TTC39C: variants seen among roughly 807,000 people sequenced by gnomAD.
TTC39C encodes tetratricopeptide repeat protein 39C.
In TTC39C, 33 loss-of-function variants were observed where a neutral mutation model predicts 76.3. That is an observed-to-expected ratio of 0.43 (90% CI 0.33 to 0.58). The LOEUF (loss-of-function observed/expected upper bound fraction) is 0.58, where lower values mean the gene tolerates loss of function less well. Among genes scored for constraint, TTC39C ranks in the 20% least tolerant of loss-of-function variants. The pLI, the probability that TTC39C is intolerant of heterozygous loss-of-function variation, is 0.04. For missense variants in TTC39C, 595 were observed against 701.4 expected (o/e 0.85, Z 1.71); for synonymous variants, 254 against 260.6 (o/e 0.97, Z 0.24).
intron 8 of TTC39C, among the ~76,000 whole-genome samples, chr18:24,121,229 T>G (rs2084963687): frequency 6.6e-6 from 1 of 152,202 alleles, no homozygotes; most frequent in Non-Finnish European, 1.5e-5. Context: ...AGGCCTCATA[T>G]TTTAGGATAA....
At chr18:24,018,854 G>A (rs1029617231) in intron 1 of TTC39C, among the ~76,000 whole-genome samples, 14 of 152,166 alleles carry the variant, frequency 9.2e-5, no homozygotes, top group African/African-American at 2.4e-4. Flanking sequence ...TTGCTAGGCC[G>A]TTGCACTGGA....
intron 10 of TTC39C, 99 bp downstream of exon 10, chr18:24,125,649 C>T (rs1174933048): frequency 2.7e-6 from 4 of 1,498,164 alleles, no homozygotes; most frequent in Non-Finnish European, 1.8e-6. Context: ...ATGTTTATCT[C>T]ATCGGAGTCA....
chr18:24,023,953 T>A (rs1568408717), intron 1 of TTC39C, among the ~76,000 whole-genome samples: 1 of 11,028 alleles, frequency 9.1e-5, no homozygotes, highest in African/African-American at 1.5e-4. Context: ...TATGCATGTA[T>A]ATATATATAT....
chr18:24,054,503 A>G (rs913734240), intron 1 of TTC39C, among the ~76,000 whole-genome samples: 10 of 151,424 alleles, frequency 6.6e-5, no homozygotes, highest in Admixed American at 4.6e-4. Flanking sequence ...TGACTGTTCA[A>G]CTCCCCCCTG....
rs1285570381 is a variant in TTC39C at position 24,113,505 on chromosome 18, A to G, written c.985-1049A>G. The G allele has an allele frequency of 7.2e-6, 5 of 689,940 alleles. No individual in the cohort carries two copies. The East Asian group carries it at 1.1e-4, about 15-fold the overall frequency. 42.7% of individuals were successfully genotyped at this position (689,940 alleles called of 1,614,324 possible). A position where few individuals can be genotyped will look rare whatever the true frequency, so the allele number is the denominator to read the frequency against. On this transcript the variant is annotated intron_variant, in intron 6 of 13. Coordinates refer to ENST00000317571, the MANE Select transcript of TTC39C (RefSeq NM_001135993.2). ...GAGGGGGAGGAAGCATAGAGAAAGC[A>G]GCAGGAGACGCACCTGGAAGCCCAG...
At chr18:24,091,815 C>T (rs748035867) in intron 6 of TTC39C, among the ~76,000 whole-genome samples, 16 of 151,906 alleles carry the variant, frequency 1.1e-4, no homozygotes, top group Non-Finnish European at 1.5e-4. Context: ...TGGGGGCAGG[C>T]GCGGTGGCTC....
intron 6 of TTC39C, among the ~76,000 whole-genome samples, chr18:24,106,647 A>G (rs1488979483): frequency 1.3e-5 from 2 of 152,112 alleles, no homozygotes; most frequent in African/African-American, 4.8e-5. Flanking sequence ...GGGGATGAGT[A>G]CACCTGGCCA....
At chr18:24,004,725 ACCATGAAAATCATGCATT>A (rs1182080808) in intron 1 of TTC39C, among the ~76,000 whole-genome samples, 2 of 152,224 alleles carry the variant, frequency 1.3e-5, no homozygotes, top group Non-Finnish European at 2.9e-5. Flanking sequence ...AGCATGATTT[ACCATGAAAATCATGCATT>A]CCACTGTGCT....
intron 1 of TTC39C, among the ~76,000 whole-genome samples, chr18:24,002,218 A>G (rs1218919846): frequency 6.6e-6 from 1 of 152,128 alleles, no homozygotes; most frequent in Non-Finnish European, 1.5e-5. Flanking sequence ...TAGGATTCCC[A>G]GGTGACACAA....
chr18:24,086,855 G>T (rs1568432455), intron 6 of TTC39C, among the ~76,000 whole-genome samples: 1 of 152,078 alleles, frequency 6.6e-6, no homozygotes, highest in Non-Finnish European at 1.5e-5. Flanking sequence ...AGGGTGTGAT[G>T]GTGTTTATTA....
chr18:24,010,515 G>A (rs1212056127), upstream of TTC39C, among the ~76,000 whole-genome samples: 1 of 152,202 alleles, frequency 6.6e-6, no homozygotes, highest in South Asian at 2.1e-4. Flanking sequence ...TTCACCTTCA[G>A]TAGAAGAGCT....
chr18:24,076,615 C>T (rs1370609626), intron 4 of TTC39C, among the ~76,000 whole-genome samples: 2 of 151,836 alleles, frequency 1.3e-5, no homozygotes, highest in East Asian at 1.9e-4. Flanking sequence ...GGGCAAGTCC[C>T]GAGAACCTGT....
chr18:24,044,478 C>T (rs529365044), intron 1 of TTC39C, among the ~76,000 whole-genome samples: 13 of 152,250 alleles, frequency 8.5e-5, no homozygotes, highest in South Asian at 2.1e-4. Flanking sequence ...CAGGGTGCAC[C>T]GCTTTTGCGG....
chr18:24,035,016 A>G (rs2083715779), intron 1 of TTC39C, among the ~76,000 whole-genome samples: 1 of 149,506 alleles, frequency 6.7e-6, no homozygotes, highest in Non-Finnish European at 1.5e-5. Flanking sequence ...ATCATATGGT[A>G]ATTCCAGTTT....
At position 24,039,300 on chromosome 18, in the gene TTC39C, T is replaced by C. The variant is rs574529840; in HGVS notation, c.167+24262T>C. ...TGAGCAGGGAAGTCTCCCAGGGTAC[T>C]GGGGCAGAGCCAGCATCCTCAGACT... On this transcript the variant is annotated intron_variant, in intron 1 of 13. Transcript: ENST00000317571. Among the ~76,000 whole-genome samples the C allele has an allele frequency of 2.6e-5, 4 of 152,320 alleles. No homozygotes were observed. The South Asian group carries it at 8.3e-4, about 32-fold the overall frequency.
intron 6 of TTC39C, among the ~76,000 whole-genome samples, chr18:24,093,340 G>C (rs949792240): frequency 1.3e-5 from 2 of 152,052 alleles, no homozygotes; most frequent in Non-Finnish European, 2.9e-5. Flanking sequence ...CTAGCTGGGC[G>C]TGGTGGCGGG....
At position 24,102,588 on chromosome 18, in the gene TTC39C, C is replaced by T. The variant is rs117438314; in HGVS notation, c.985-11966C>T. On this transcript the variant is annotated intron_variant, in intron 6 of 13. Transcript: ENST00000317571. ...TCTTTAGGATGAGGAGGCTGTGGGG[C>T]GGGGAGGTCCACATTGCTGGCTCTG... is the stretch of plus-strand genomic sequence containing the variant. Among the ~76,000 whole-genome samples, 1,348 of 152,148 alleles carry T rather than the reference C, an allele frequency of 8.9e-3. 9 individuals carry two copies. Among genetic ancestry groups the T allele is most frequent in the Middle Eastern group, 0.065 (19 of 294 alleles).
chr18:24,039,614 G>T (rs1375719260), intron 1 of TTC39C, among the ~76,000 whole-genome samples: 1 of 152,208 alleles, frequency 6.6e-6, no homozygotes, highest in Non-Finnish European at 1.5e-5. Flanking sequence ...TTACAGGTGT[G>T]AGCTGCCATG....
chr18:24,048,557 A>G (rs2083912597), intron 1 of TTC39C, among the ~76,000 whole-genome samples: 1 of 152,370 alleles, frequency 6.6e-6, no homozygotes, highest in Non-Finnish European at 1.5e-5. Context: ...AAAGAAGGAC[A>G]TGGTAAGTAT....
Sources: gnomAD v4.1 joint callset for allele counts (sites outside exome capture counted in the v4.1 genomes callset) on GRCh38, gnomAD v4.1.1 for gene constraint, MANE v1.5 for transcripts, NCBI Gene and HGNC (gene_info 2026-07-23, HGNC 2026-07-21) for gene names.